Variants in TENM1 observed in about 807,000 individuals in gnomAD.
TENM1 encodes the protein teneurin-1.
A neutral mutation model predicts 174.8 loss-of-function variants in TENM1; 35 were observed. The ratio of observed to expected loss-of-function variants is 0.20; its 90% confidence interval spans 0.15 to 0.27. The LOEUF (loss-of-function observed/expected upper bound fraction) is 0.27, where lower values mean the gene tolerates loss of function less well. Among genes scored for constraint, TENM1 ranks in the 10% least tolerant of loss-of-function variants. TENM1 has a pLI of 1.00. For synonymous variants in TENM1, 781 were observed against 798.7 expected (o/e 0.98, Z 0.37); for missense variants, 1,633 against 2,130.1 (o/e 0.77, Z 4.59).
At chrX:124,462,121 C>T (rs1337736258) in intron 22 of TENM1, among the ~76,000 whole-genome samples, 1 of 98,641 alleles carries the variant, frequency 1.0e-5, no homozygotes, top group Non-Finnish European at 2.0e-5. Context: ...CGTTTCTCAG[C>T]CTCCTTTCCA....
At chrX:124,704,629 T>C (rs748464223) in intron 5 of TENM1, among the ~76,000 whole-genome samples, 1 of 111,858 alleles carries the variant, frequency 8.9e-6, no homozygotes, top group South Asian at 3.8e-4. Flanking sequence ...GGGGCTTTAA[T>C]GAAATTGCTA....
At chrX:125,055,286 T>C in the TENM1 span, among the ~76,000 whole-genome samples, 1 of 111,652 alleles carries the variant, frequency 9.0e-6, no homozygotes, top group African/African-American at 3.3e-5. Flanking sequence ...GCACCACGTC[T>C]TGCGGCTACT....
chrX:124,931,249 A>G (rs1252267852), intron 1 of TENM1, among the ~76,000 whole-genome samples: 1 of 104,880 alleles, frequency 9.5e-6, no homozygotes, highest in Non-Finnish European at 1.9e-5. Flanking sequence ...TCATCCCAAA[A>G]CACAAAAGCA....
At chrX:124,577,329 T>C (rs769671722) in intron 11 of TENM1, among the ~76,000 whole-genome samples, 1 of 111,313 alleles carries the variant, frequency 9.0e-6, no homozygotes, top group Admixed American at 9.6e-5. Context: ...GCTGCCATCA[T>C]AGCCCAACAG....
chrX:124,649,330 G>A (rs2051238839), intron 8 of TENM1, among the ~76,000 whole-genome samples: 1 of 112,242 alleles, frequency 8.9e-6, no homozygotes, highest in Admixed American at 9.4e-5. Context: ...TAAATGTAAT[G>A]AATACTCTTA....
the TENM1 span, among the ~76,000 whole-genome samples, chrX:125,154,789 T>G: frequency 1.2e-4 from 13 of 108,870 alleles, no homozygotes; most frequent in Non-Finnish European, 1.9e-4. Context: ...AGCTGCAGAC[T>G]TTCGCGGTGA....
chrX:124,742,200 T>A (rs906514828), intron 3 of TENM1, among the ~76,000 whole-genome samples: 1 of 111,582 alleles, frequency 9.0e-6, no homozygotes, highest in African/African-American at 3.3e-5. Context: ...AAGGTTACTA[T>A]GCAGTGTACG....
chrX:124,378,638 G>T (rs768671342), exon 32 of TENM1: 2 of 112,098 alleles, frequency 1.8e-5, no homozygotes, highest in South Asian at 7.5e-4. Flanking sequence ...CATGAATTCT[G>T]TCTCTCAGAA....
At chrX:124,670,955 T>G (rs759122419) in intron 6 of TENM1, among the ~76,000 whole-genome samples, 3 of 111,566 alleles carry the variant, frequency 2.7e-5, no homozygotes, top group African/African-American at 9.8e-5. Flanking sequence ...TTAAATTGAC[T>G]TCCTGGAATT....
chrX:124,599,497 A>G (rs2049981228), intron 11 of TENM1, among the ~76,000 whole-genome samples: 1 of 111,219 alleles, frequency 9.0e-6, no homozygotes, highest in South Asian at 3.8e-4. Flanking sequence ...GTGATGAGAA[A>G]TGAATGGGGC....
Position 124,413,192 on chromosome X carries a change from G to A in TENM1, c.4983-6703C>T, listed in dbSNP as rs2060555832. ...TCTTGGAAGGGGAGGCAAGGAGCAG[G>A]GAGAACTGTTAGGAGGCTGCAGACC... On this transcript the variant is annotated intron_variant, in intron 25 of 31. Transcript: ENST00000422452. Among the ~76,000 whole-genome samples the A allele has an allele frequency of 2.7e-5, 3 of 112,010 alleles. No individual in the cohort carries two copies. In the Admixed American group the frequency reaches 2.8e-4, roughly 11 times the overall value.
In TENM1 at chrX:124,516,282, C is replaced by A. The variant is rs761382323; in HGVS notation, c.3301+4235G>T. On this transcript the variant is annotated intron_variant, in intron 18 of 31. Coordinates refer to ENST00000422452, the Ensembl canonical transcript of TENM1. The stretch of plus-strand genomic sequence containing the variant: ...AATCTAGGTAATACCATTTTGGACA[C>A]AGCAACAGGCAAAAATTTCATGAGG... Among the ~76,000 whole-genome samples, 4 of 111,944 alleles carry A rather than the reference C, an allele frequency of 3.6e-5. No individual in the cohort carries two copies. In the South Asian group the frequency reaches 1.5e-3, roughly 42 times the overall value.
Position 124,864,552 on chromosome X carries a change from A to T in TENM1, c.535+29744T>A, listed in dbSNP as rs1390511879. 2.7e-5 allele frequency among the ~76,000 whole-genome samples: 3 copies of T among 111,652 alleles called. No individual in the cohort carries two copies. In the Admixed American group the frequency reaches 2.9e-4, roughly 11 times the overall value. ...AGTCTTCTTGAAAATACATAGTCAG[A>T]GGAGGCAAAAATAACAAGAACAAAA... is the stretch of plus-strand genomic sequence containing the variant. On this transcript the variant is annotated intron_variant, in intron 3 of 31. Coordinates refer to ENST00000422452, the Ensembl canonical transcript of TENM1.
At position 124,737,208 on chromosome X, in the gene TENM1, G is replaced by C. The variant is rs754019313; in HGVS notation, c.536-11C>G. On this transcript the variant is annotated splice_polypyrimidine_tract_variant and intron_variant, in intron 3 of 31. Coordinates refer to ENST00000422452, the Ensembl canonical transcript of TENM1. ...GGCTGCTCTGCACATCTAAAGAGGA[G>C]AGAAGAGAAACATAAAATAGAGACT... is the stretch of plus-strand genomic sequence containing the variant. 5.1e-6 allele frequency: 6 copies of C among 1,181,110 alleles called. No homozygotes were observed. The East Asian group carries it at 1.8e-4, about 36-fold the overall frequency.
chrX:124,667,105 A>C (rs2051786452), intron 6 of TENM1, among the ~76,000 whole-genome samples: 1 of 111,626 alleles, frequency 9.0e-6, no homozygotes, highest in South Asian at 3.8e-4. Context: ...AATTTTCTTA[A>C]TTTCTAAATA....
the TENM1 span, among the ~76,000 whole-genome samples, chrX:125,009,988 T>C: frequency 0.044 from 4,876 of 111,484 alleles, 240 homozygotes; most frequent in African/African-American, 0.15. Flanking sequence ...AAGGATGCCC[T>C]CTTGCACCAG....
intron 3 of TENM1, among the ~76,000 whole-genome samples, chrX:124,800,937 T>C (rs1344580413): frequency 8.9e-6 from 1 of 112,303 alleles, no homozygotes; most frequent in Non-Finnish European, 1.9e-5. Flanking sequence ...TCCTGAGTTC[T>C]AATTTGATTG....
chrX:125,151,073 GA>G, the TENM1 span, among the ~76,000 whole-genome samples: 2 of 111,617 alleles, frequency 1.8e-5, no homozygotes, highest in African/African-American at 6.5e-5. Context: ...AATGTCAGGG[GA>G]AAAAAATCAA....
At chrX:125,138,931 C>T in the TENM1 span, among the ~76,000 whole-genome samples, 5 of 111,105 alleles carry the variant, frequency 4.5e-5, no homozygotes, top group Non-Finnish European at 9.4e-5. Flanking sequence ...ACCATGTGCA[C>T]ATGAGAGACA....
Sources: gnomAD v4.1 joint callset for allele counts (sites outside exome capture counted in the v4.1 genomes callset) on GRCh38, gnomAD v4.1.1 for gene constraint, MANE v1.5 for transcripts, NCBI Gene and HGNC (gene_info 2026-07-23, HGNC 2026-07-21) for gene names.